KLHL3: variants seen among roughly 807,000 people sequenced by gnomAD.
KLHL3 encodes the protein kelch-like protein 3.
In KLHL3, 19 loss-of-function variants were observed where a neutral mutation model predicts 70.5. The observed-to-expected ratio is 0.27, with a 90% confidence interval of 0.19 to 0.40. KLHL3 has a LOEUF of 0.40. KLHL3 is among the 10% of genes least tolerant of loss of function. The pLI, the probability that KLHL3 is intolerant of heterozygous loss-of-function variation, is 1.00. For synonymous variants in KLHL3, 258 were observed against 290.3 expected, an observed-to-expected ratio of 0.89 and a Z score of 1.13; for missense variants, 512 against 771.1, an observed-to-expected ratio of 0.66 and a Z score of 3.98.
At chr5:137,628,191 C>T (rs542951969) in intron 13 of KLHL3, 106 bp downstream of exon 13, 56 of 1,391,168 alleles carry the variant, frequency 4.0e-5, no homozygotes, top group African/African-American at 1.3e-4. Context: ...TCAGGATATA[C>T]GCTCAGCTCC....
At chr5:137,629,030 G>A (rs72800060) in intron 12 of KLHL3, 32,988 of 152,102 alleles carry the variant, frequency 0.22, 4,511 homozygotes, top group Middle Eastern at 0.31. Flanking sequence ...CCTGCTGGTC[G>A]TGTAAGCAGA....
intron 6 of KLHL3, among the ~76,000 whole-genome samples, chr5:137,668,737 G>A (rs115524042): frequency 4.1e-4 from 62 of 152,292 alleles, no homozygotes; most frequent in African/African-American, 1.4e-3. Flanking sequence ...AGTGGTGTGC[G>A]GCAATTGGAG....
intron 5 of KLHL3, among the ~76,000 whole-genome samples, chr5:137,679,628 G>A (rs1327251069): frequency 2.0e-5 from 3 of 152,230 alleles, no homozygotes; most frequent in East Asian, 1.9e-4. Flanking sequence ...TCTAGGTGAT[G>A]TGGGGAACAA....
intron 5 of KLHL3, among the ~76,000 whole-genome samples, chr5:137,679,068 T>C (rs1237551179): frequency 2.0e-5 from 2 of 101,750 alleles, no homozygotes; most frequent in Non-Finnish European, 4.6e-5. Flanking sequence ...TTCCTAACTA[T>C]GGAAATATTT....
chr5:137,686,244 G>A (rs907501804), intron 5 of KLHL3, among the ~76,000 whole-genome samples: 3 of 152,198 alleles, frequency 2.0e-5, no homozygotes, highest in Admixed American at 6.5e-5. Flanking sequence ...CAGCAGCAGT[G>A]ACCTGAGGAT....
intron 1 of KLHL3, among the ~76,000 whole-genome samples, chr5:137,727,541 C>T (rs1753104694): frequency 6.6e-6 from 1 of 152,146 alleles, no homozygotes; most frequent in Admixed American, 6.5e-5. Flanking sequence ...TACCGTAATA[C>T]TAAAATACTT....
chr5:137,679,524 T>C (rs1447815760), intron 5 of KLHL3, among the ~76,000 whole-genome samples: 2 of 152,186 alleles, frequency 1.3e-5, no homozygotes, highest in Admixed American at 1.3e-4. Context: ...AGTAAAATTC[T>C]ATGCTGTGAA....
intron 8 of KLHL3, among the ~76,000 whole-genome samples, chr5:137,642,494 C>T (rs1364372391): frequency 6.6e-6 from 1 of 152,216 alleles, no homozygotes; most frequent in Non-Finnish European, 1.5e-5. Flanking sequence ...CACCTCTAGA[C>T]AGTGAGCCCT....
chr5:137,640,975 T>C (rs1750901112), intron 8 of KLHL3, among the ~76,000 whole-genome samples: 1 of 152,250 alleles, frequency 6.6e-6, no homozygotes, highest in South Asian at 2.1e-4. Context: ...GCATTTTGTA[T>C]TGCAAGGGCA....
At chr5:137,708,477 C>T (rs1752726485) in intron 3 of KLHL3, among the ~76,000 whole-genome samples, 1 of 152,194 alleles carries the variant, frequency 6.6e-6, no homozygotes. Flanking sequence ...GACATGTTCC[C>T]CAAGTGCCCA....
intron 12 of KLHL3, among the ~76,000 whole-genome samples, chr5:137,631,992 G>A (rs1324574521): frequency 6.6e-6 from 1 of 152,118 alleles, no homozygotes; most frequent in Admixed American, 6.5e-5. Flanking sequence ...ACTCATGACT[G>A]ATTAAAGAAA....
At position 137,639,922 on chromosome 5, in the gene KLHL3, T is replaced by C. The variant is rs756030064; in HGVS notation, c.959A>G (p.Tyr320Cys). 4 of 1,614,172 alleles carry C rather than the reference T, an allele frequency of 2.5e-6. No individual in the cohort carries two copies. The highest frequency in any genetic ancestry group is 3.4e-6 in the Non-Finnish European group (4 of 1,180,034). ...ATCCCACCGGTCCTCCTCGAAATCA[T>C]AGCACTCCACACTGCGGATTGCCTT... ...APKAIRSVEC[Y>C]DFEEDRWDQI... Residue 320 changes from tyrosine to cysteine, a missense_variant, in exon 9 of 15, where the codon TAT (tyrosine) becomes TGT (cysteine). Physicochemically the swap from Tyr to Cys is radical, Grantham distance 194. Transcript: ENST00000309755. The surrounding 1 kb of genome is among the most constrained non-coding windows in gnomAD (Gnocchi z 5.0).
intron 1 of KLHL3, among the ~76,000 whole-genome samples, chr5:137,725,773 A>C (rs1342447936): frequency 6.6e-6 from 1 of 152,216 alleles, no homozygotes; most frequent in Non-Finnish European, 1.5e-5. Context: ...TGTTACTAGT[A>C]AACTTGCTTA....
In KLHL3 at chr5:137,658,117, G is replaced by A. The variant is rs756829320; in HGVS notation, c.903+14C>T. On this transcript the variant is annotated intron_variant, in intron 8 of 14. Transcript: ENST00000309755. ...ACAGTCCTGACTCTTGGTGGTGATT[G>A]GGCTGGGGCTTACCTTGGGAAGGCT... 4 of 1,606,482 alleles carry A rather than the reference G, an allele frequency of 2.5e-6. No homozygotes were observed. In the East Asian group the frequency reaches 8.9e-5, roughly 36 times the overall value.
At chr5:137,731,769 T>C (rs1214610834) in intron 1 of KLHL3, among the ~76,000 whole-genome samples, 1 of 152,190 alleles carries the variant, frequency 6.6e-6, no homozygotes. Flanking sequence ...AACTTCCCCT[T>C]TTTATGATGC....
intron 2 of KLHL3, among the ~76,000 whole-genome samples, chr5:137,716,766 G>A (rs1752901052): frequency 6.6e-6 from 1 of 152,172 alleles, no homozygotes; most frequent in Admixed American, 6.5e-5. Context: ...GTGGTCAGTG[G>A]TCTCTTATTA....
intron 3 of KLHL3, among the ~76,000 whole-genome samples, chr5:137,707,935 C>T (rs1050885857): frequency 1.3e-5 from 2 of 152,152 alleles, no homozygotes; most frequent in Non-Finnish European, 2.9e-5. Context: ...CCAAACTCCA[C>T]ACACAAAGAA....
At position 137,639,813 on chromosome 5, in the gene KLHL3, G is replaced by T; in HGVS notation, c.1021+47C>A. The T allele has an allele frequency of 7.0e-7, 1 of 1,423,712 alleles. No individual in the cohort carries two copies. The highest frequency in any genetic ancestry group is 9.9e-7 in the Non-Finnish European group (1 of 1,006,690). 88.2% of individuals were successfully genotyped at this position (1,423,712 alleles called of 1,614,324 possible). A position where few individuals can be genotyped will look rare whatever the true frequency, so the allele number is the denominator to read the frequency against. On this transcript the variant is annotated intron_variant, in intron 9 of 14. Coordinates refer to ENST00000309755, the MANE Select transcript of KLHL3 (RefSeq NM_017415.3). This position sits in a 1 kb window ranked among gnomAD's most constrained non-coding sequence, Gnocchi z 5.0. ...AGCTCACGACTTCTGGCACGGAGTG[G>T]GGACCAGCAGGGGAAAAACAGCTTG...
chr5:137,675,550 GA>G (rs1421116447), intron 6 of KLHL3, among the ~76,000 whole-genome samples: 1 of 151,924 alleles, frequency 6.6e-6, no homozygotes, highest in Non-Finnish European at 1.5e-5. Context: ...TAAATTTAAG[GA>G]AACTAAGGTT....
Sources: allele counts gnomAD v4.1 joint callset (sites outside exome capture counted in the v4.1 genomes callset), GRCh38; gene constraint gnomAD v4.1.1; non-coding constraint Gnocchi (gnomAD v3.1); transcripts MANE v1.5; gene names NCBI Gene and HGNC (gene_info 2026-07-23, HGNC 2026-07-21).